Variants in DLGAP4 observed in about 807,000 individuals in gnomAD.
DLGAP4 encodes disks large-associated protein 4.
A neutral mutation model predicts 86.9 loss-of-function variants in DLGAP4; 18 were observed. The ratio of observed to expected loss-of-function variants is 0.21; its 90% CI spans 0.14 to 0.31. DLGAP4 has a LOEUF of 0.31. Among genes scored for constraint, DLGAP4 ranks in the 10% least tolerant of loss-of-function variants. The pLI, the probability that DLGAP4 is intolerant of heterozygous loss-of-function variation, is 1.00. For missense variants in DLGAP4, 1,085 were observed against 1,362.6 expected (o/e 0.80, Z 3.21); for synonymous variants, 548 against 574.3 (o/e 0.95, Z 0.65).
At chr20:36,460,110 T>C (rs1471293977) in intron 7 of DLGAP4, among the ~76,000 whole-genome samples, 5 of 152,192 alleles carry the variant, frequency 3.3e-5, no homozygotes, top group African/African-American at 1.2e-4. Flanking sequence ...GGAATAATGA[T>C]ATTTCATCTT....
chr20:36,405,511 G>A (rs2032292021), intron 2 of DLGAP4, among the ~76,000 whole-genome samples: 1 of 152,136 alleles, frequency 6.6e-6, no homozygotes, highest in South Asian at 2.1e-4. Flanking sequence ...GAAATTCCAG[G>A]GAGTACACAT....
intron 7 of DLGAP4, among the ~76,000 whole-genome samples, chr20:36,475,634 G>A (rs1481429396): frequency 6.6e-6 from 1 of 152,062 alleles, no homozygotes; most frequent in Non-Finnish European, 1.5e-5. Context: ...TATATTTGCT[G>A]AATTTCAGTA....
At chr20:36,325,740 T>C (rs1555890964) in intron 1 of DLGAP4, among the ~76,000 whole-genome samples, 2 of 151,436 alleles carry the variant, frequency 1.3e-5, no homozygotes, top group African/African-American at 4.9e-5. Context: ...TTTTTGAGAC[T>C]GAGTCTCGCT....
At chr20:36,517,351 C>A (rs982752394) in intron 10 of DLGAP4, among the ~76,000 whole-genome samples, 5 of 152,188 alleles carry the variant, frequency 3.3e-5, no homozygotes, top group Non-Finnish European at 5.9e-5. Flanking sequence ...GCACTCCAGT[C>A]TGGACAACAG....
chr20:36,363,304 A>G lies in DLGAP4; in HGVS notation c.-303-3741A>G, dbSNP rs553397138. Reference sequence around the variant, plus strand: ...GGCGTCTGCAGGGCTGTTAGCTTTTACTTGAGGTGCAGTGAGGCCATGGGG... The same window carrying G: ...GGCGTCTGCAGGGCTGTTAGCTTTTGCTTGAGGTGCAGTGAGGCCATGGGG... On this transcript the variant is annotated intron_variant, in intron 1 of 12. Transcript: ENST00000339266. 2.0e-5 allele frequency among the ~76,000 whole-genome samples: 3 copies of G among 152,264 alleles called. 1 individual carries two copies. The highest frequency in any genetic ancestry group is 4.1e-4 in the South Asian group (2 of 4,828).
chr20:36,396,635 GCACACACCACACACA>G (rs1272075540), intron 2 of DLGAP4, among the ~76,000 whole-genome samples: 3 of 72,064 alleles, frequency 4.2e-5, no homozygotes, highest in Admixed American at 1.4e-4. Flanking sequence ...ACACATACAC[GCACACACCACACACA>G]CACACACCAC....
At chr20:36,416,521 T>G (rs903493964) in intron 2 of DLGAP4, among the ~76,000 whole-genome samples, 3 of 152,248 alleles carry the variant, frequency 2.0e-5, no homozygotes, top group Non-Finnish European at 4.4e-5. Flanking sequence ...GCCCTCTCCA[T>G]GCACCACCAT....
intron 7 of DLGAP4, among the ~76,000 whole-genome samples, chr20:36,480,724 G>T (rs1033314053): frequency 4.6e-5 from 7 of 151,514 alleles, no homozygotes; most frequent in Non-Finnish European, 1.0e-4. Flanking sequence ...CAAAAAGTTG[G>T]CTGGGCACGG....
intron 8 of DLGAP4, 115 bp downstream of exon 8, chr20:36,497,181 A>C (rs991219348): frequency 1.4e-6 from 2 of 1,480,438 alleles, no homozygotes; most frequent in East Asian, 2.4e-5. Context: ...TTGTCTCTCT[A>C]TTTTGGGGGA....
Position 36,345,266 on chromosome 20 carries a change from G to T in DLGAP4, c.-303-21779G>T, listed in dbSNP as rs535455593. Among the ~76,000 whole-genome samples, 5 of 152,324 alleles carry T rather than the reference G, an allele frequency of 3.3e-5. 1 individual carries two copies. Among genetic ancestry groups the T allele is most frequent in the Admixed American group, 3.3e-4 (5 of 15,302 alleles). ...GTGCCCCCTGCAATTGGCTTCTGGA[G>T]GAATCGCTTTTTTTCCTTCCTCACA... On this transcript the variant is annotated intron_variant, in intron 1 of 12. Coordinates refer to ENST00000339266, the MANE Select transcript of DLGAP4 (RefSeq NM_001365621.2).
At chr20:36,524,433 T>A in intron 11 of DLGAP4, 92 bp downstream of exon 11, 2 of 1,040,732 alleles carry the variant, frequency 1.9e-6, no homozygotes, top group Non-Finnish European at 2.8e-6. Context: ...TGTGCCCTCC[T>A]CTGTAACACA....
At chr20:36,313,744 T>A (rs1439416861) in intron 1 of DLGAP4, among the ~76,000 whole-genome samples, 1 of 152,082 alleles carries the variant, frequency 6.6e-6, no homozygotes, top group Non-Finnish European at 1.5e-5. Flanking sequence ...CTGGGGAAAC[T>A]GAGGCTGCAC....
chr20:36,429,572 A>G (rs2147534985), intron 2 of DLGAP4, among the ~76,000 whole-genome samples: 1 of 150,918 alleles, frequency 6.6e-6, no homozygotes, highest in East Asian at 1.9e-4. Flanking sequence ...ACACCCAGCT[A>G]ATTTTTTGTT....
At chr20:36,456,085 G>A (rs1369216847) in intron 7 of DLGAP4, among the ~76,000 whole-genome samples, 6 of 152,334 alleles carry the variant, frequency 3.9e-5, no homozygotes, top group South Asian at 4.1e-4. Flanking sequence ...GATGTCTACC[G>A]TAGCCAGAAG....
intron 7 of DLGAP4, chr20:36,461,251 G>C (rs1364248814): frequency 1.2e-5 from 1 of 84,744 alleles, no homozygotes; most frequent in African/African-American, 4.8e-5. Context: ...GTGGGCGCGC[G>C]CTCCTTTCCT....
intron 1 of DLGAP4, among the ~76,000 whole-genome samples, chr20:36,315,469 G>T (rs1308378715): frequency 2.6e-5 from 4 of 151,890 alleles, no homozygotes; most frequent in African/African-American, 9.7e-5. Flanking sequence ...GTGGACTGGT[G>T]ACAGGAGGAA....
chr20:36,432,439 A>G lies in DLGAP4; in HGVS notation c.722A>G (p.Tyr241Cys), dbSNP rs2033155224. The change falls in exon 3 of 13, where the codon TAC becomes TGC. Residue 241 changes from tyrosine (Y) to cysteine (C), a missense_variant. Physicochemically the swap from Tyr to Cys is radical, Grantham distance 194 (BLOSUM62 -2). Transcript: ENST00000339266. The surrounding 1 kb of genome is among the most constrained non-coding windows in gnomAD (Gnocchi z 6.5). ...GRQAERSQPRYFMHAYNTISG... is the reference protein window; with the variant it reads ...GRQAERSQPRCFMHAYNTISG... Reference sequence around the variant, plus strand: ...CAGGCAGAACGCAGCCAGCCACGCTACTTCATGCACGCCTACAACACCATC... The same window carrying G: ...CAGGCAGAACGCAGCCAGCCACGCTGCTTCATGCACGCCTACAACACCATC... 2 of 1,613,694 alleles carry G rather than the reference A, an allele frequency of 1.2e-6. No homozygotes were observed. The highest frequency in any genetic ancestry group is 1.3e-5 in the African/African-American group (1 of 74,926).
At chr20:36,482,340 G>T (rs977932495) in intron 7 of DLGAP4, among the ~76,000 whole-genome samples, 4 of 152,156 alleles carry the variant, frequency 2.6e-5, no homozygotes, top group African/African-American at 9.7e-5. Flanking sequence ...GGTGAAAGCC[G>T]GGCTTTTGTG....
chr20:36,422,578 G>C (rs900619969), intron 2 of DLGAP4, among the ~76,000 whole-genome samples: 11 of 152,204 alleles, frequency 7.2e-5, no homozygotes, highest in Non-Finnish European at 1.3e-4. Context: ...TTAAGGGAAT[G>C]ATGCAGTCAG....
Sources: gnomAD v4.1 joint callset for allele counts (sites outside exome capture counted in the v4.1 genomes callset) on GRCh38, gnomAD v4.1.1 for gene constraint, Gnocchi (gnomAD v3.1) non-coding constraint, MANE v1.5 for transcripts, NCBI Gene and HGNC (gene_info 2026-07-23, HGNC 2026-07-21) for gene names.